TMEM255B: variants seen among roughly 807,000 people sequenced by gnomAD.
TMEM255B encodes family with sequence similarity 70, member B.
TMEM255B carries 35 observed loss-of-function variants against 34.5 expected under a neutral mutation model. The observed-to-expected ratio is 1.01, with a 90% confidence interval of 0.77 to 1.34. The LOEUF is 1.34. Among genes scored for constraint, TMEM255B ranks in the 40% most tolerant of loss-of-function variants. TMEM255B has a pLI of 0.00. For synonymous variants in TMEM255B, 206 were observed against 201.2 expected, an observed-to-expected ratio of 1.02 and a Z score of -0.20; for missense variants, 432 against 433.2, an observed-to-expected ratio of 1.00 and a Z score of 0.02.
intron 8 of TMEM255B, among the ~76,000 whole-genome samples, chr13:113,807,906 TC>T (rs1025207585): frequency 3.9e-5 from 6 of 152,084 alleles, no homozygotes; most frequent in Admixed American, 3.9e-4. Flanking sequence ...CCCATGGTGC[TC>T]CATCCTCATC....
chr13:113,801,575 AG>A (rs780018332), intron 6 of TMEM255B, 77 bp from the exon 7 acceptor site: 249 of 1,475,104 alleles, frequency 1.7e-4, no homozygotes, highest in Non-Finnish European at 2.2e-4. Flanking sequence ...TGCAGGGCTC[AG>A]GTCCAGAGGA....
At chr13:113,771,721 G>A (rs1212667073) in intron 3 of TMEM255B, among the ~76,000 whole-genome samples, 2 of 152,114 alleles carry the variant, frequency 1.3e-5, no homozygotes, top group Non-Finnish European at 2.9e-5. Flanking sequence ...ATAATCCACT[G>A]TATGGATGGG....
chr13:113,807,761 G>A lies in TMEM255B; in HGVS notation c.813+2733G>A, dbSNP rs191069697. On this transcript the variant is annotated intron_variant, in intron 8 of 8. Coordinates refer to ENST00000375353, the MANE Select transcript of TMEM255B (RefSeq NM_182614.4). The stretch of plus-strand genomic sequence containing the variant: ...TGGGATGTGGGGGGTAGTCCTCCCC[G>A]TCACACGCAGGCTTACGGGATGTGG... Among the ~76,000 whole-genome samples, 24 of 134,392 alleles carry A rather than the reference G, an allele frequency of 1.8e-4. 1 individual carries two copies. Among genetic ancestry groups the A allele is most frequent in the South Asian group, 7.7e-4 (3 of 3,894 alleles). The allele number at this position is 134,392 out of a possible 152,430, so 88.2% of individuals were successfully genotyped here. A position where few individuals can be genotyped will look rare whatever the true frequency, so the allele number is the denominator to read the frequency against.
chr13:113,811,409 TGGGTCTCCGGGGGAGGGGAGGGGC>T (rs2051302559), intron 8 of TMEM255B, among the ~76,000 whole-genome samples: 1 of 52,066 alleles, frequency 1.9e-5, no homozygotes, highest in Non-Finnish European at 3.4e-5. Flanking sequence ...AGAGTGGCCC[TGGGTCTCCGGGGGAGGGGAGGGGC>T]GTGAGAGTGG....
At chr13:113,785,418 C>T (rs2138548303) in intron 3 of TMEM255B, among the ~76,000 whole-genome samples, 1 of 152,332 alleles carries the variant, frequency 6.6e-6, no homozygotes, top group East Asian at 1.9e-4. Flanking sequence ...TCCCTCACCC[C>T]CAGCTGCGGT....
intron 3 of TMEM255B, among the ~76,000 whole-genome samples, chr13:113,779,151 G>C (rs767316072): frequency 6.6e-6 from 1 of 152,158 alleles, no homozygotes; most frequent in Non-Finnish European, 1.5e-5. Flanking sequence ...TCTGGTCAAA[G>C]GTGTCATTTG....
Position 113,759,228 on chromosome 13 carries a change from G to A in TMEM255B, c.-42G>A. On this transcript the variant is annotated 5_prime_UTR_variant, in exon 1 of 9. Coordinates refer to ENST00000375353, the MANE Select transcript of TMEM255B (RefSeq NM_182614.4). ...CCGCGAGGGCGGCTCCTGGCGGCGG[G>A]ACTGTGGCTGTGGCCCCGGGAGAGC... The A allele has an allele frequency of 8.2e-7, 1 of 1,226,272 alleles. No individual in the cohort carries two copies. Among genetic ancestry groups the A allele is most frequent in the East Asian group, 3.2e-5 (1 of 31,308 alleles). The allele number at this position is 1,226,272 out of a possible 1,614,324, so 76.0% of individuals were successfully genotyped here. A position where few individuals can be genotyped will look rare whatever the true frequency, so the allele number is the denominator to read the frequency against.
At chr13:113,767,598 C>G (rs1011716611) in intron 2 of TMEM255B, among the ~76,000 whole-genome samples, 1 of 152,250 alleles carries the variant, frequency 6.6e-6, no homozygotes, top group Admixed American at 6.5e-5. Flanking sequence ...AATCTACCTT[C>G]TGGGCAATGA....
intron 8 of TMEM255B, among the ~76,000 whole-genome samples, chr13:113,808,109 T>C (rs7400003): frequency 0.7 from 107,092 of 152,086 alleles, 37,958 homozygotes; most frequent in East Asian, 0.86. Context: ...AGAAGAACAA[T>C]GGAGGAGGGG....
At chr13:113,801,585 G>A in intron 6 of TMEM255B, 68 bp from the exon 7 acceptor site, 1 of 1,510,136 alleles carries the variant, frequency 6.6e-7, no homozygotes, top group Non-Finnish European at 8.9e-7. Flanking sequence ...AGGTCCAGAG[G>A]ACACAAGTTT....
rs1381325979 is a variant in TMEM255B, at chr13:113,803,613, C to A, written c.670-1272C>A. 5.9e-5 allele frequency among the ~76,000 whole-genome samples: 9 copies of A among 151,824 alleles called. 2 individuals carry two copies. The highest frequency in any genetic ancestry group is 5.9e-5 in the Non-Finnish European group (4 of 67,814). On this transcript the variant is annotated intron_variant, in intron 7 of 8. Coordinates refer to ENST00000375353, the MANE Select transcript of TMEM255B (RefSeq NM_182614.4). ...ACCGCCAGCTCAGAGGCCTCCCCAC[C>A]CCTCTACCTGTCAGAACTGCAAATC...
chr13:113,811,643 C>T lies in TMEM255B; in HGVS notation c.814-93C>T, dbSNP rs2051310984. 11 of 1,440,348 alleles carry T rather than the reference C, an allele frequency of 7.6e-6. 1 individual carries two copies. Among genetic ancestry groups the T allele is most frequent in the African/African-American group, 1.4e-5 (1 of 69,670 alleles). 89.2% of individuals were successfully genotyped at this position (1,440,348 alleles called of 1,614,324 possible). ...CTGGGTTGGCGGGGTGGGTGGGGAGCGTGTGAGTGGCCCTGGTATATGTCA... is the reference window on the plus strand; with the variant it reads ...CTGGGTTGGCGGGGTGGGTGGGGAGTGTGTGAGTGGCCCTGGTATATGTCA... On this transcript the variant is annotated intron_variant, in intron 8 of 8. Transcript: ENST00000375353.
chr13:113,761,066 G>A, intron 1 of TMEM255B: 4 of 518,080 alleles, frequency 7.7e-6, no homozygotes, highest in Non-Finnish European at 9.9e-6. Context: ...CCCTGGGCAT[G>A]TGTAAAATCA....
chr13:113,759,445 C>G, intron 1 of TMEM255B, 130 bp downstream of exon 1: 2 of 819,030 alleles, frequency 2.4e-6, no homozygotes, highest in Non-Finnish European at 3.3e-6. Flanking sequence ...CTGGTCCCTC[C>G]GCCTCCTTCG....
At position 113,806,242 on chromosome 13, in the gene TMEM255B, G is replaced by A. The variant is rs997804746; in HGVS notation, c.813+1214G>A. Reference sequence around the variant, plus strand: ...CCTGGGGACCTGCACCAGGGACCCCGAGGAGGGAGCAGGAACCAGCACTCA... The same window carrying A: ...CCTGGGGACCTGCACCAGGGACCCCAAGGAGGGAGCAGGAACCAGCACTCA... On this transcript the variant is annotated intron_variant, in intron 8 of 8. Coordinates refer to ENST00000375353, the MANE Select transcript of TMEM255B (RefSeq NM_182614.4). This position sits in a 1 kb window ranked among gnomAD's most constrained non-coding sequence, Gnocchi z 4.2. Among the ~76,000 whole-genome samples, 5 of 152,012 alleles carry A rather than the reference G, an allele frequency of 3.3e-5. No homozygotes were observed. Among genetic ancestry groups the A allele is most frequent in the African/African-American group, 9.7e-5 (4 of 41,388 alleles).
chr13:113,780,418 A>G (rs2050648647), intron 3 of TMEM255B, among the ~76,000 whole-genome samples: 1 of 152,274 alleles, frequency 6.6e-6, no homozygotes, highest in Non-Finnish European at 1.5e-5. Context: ...ATTCTGGAGA[A>G]AATCAGGTAG....
rs181388310 is a variant in TMEM255B at position 113,759,614 on chromosome 13, T to C, written c.46+299T>C. Among the ~76,000 whole-genome samples, 145 of 152,334 alleles carry C rather than the reference T, an allele frequency of 9.5e-4. 1 individual carries two copies. The highest frequency in any genetic ancestry group is 3.4e-3 in the Middle Eastern group (1 of 294). On this transcript the variant is annotated intron_variant, in intron 1 of 8. Coordinates refer to ENST00000375353, the MANE Select transcript of TMEM255B (RefSeq NM_182614.4). ...TCCTCAGTCTTTGCCTTTCTCTGAC[T>C]CTGTGTCCGTTCCTCTTGGCCTCTC...
intron 3 of TMEM255B, among the ~76,000 whole-genome samples, chr13:113,791,272 C>T (rs9550238): frequency 0.75 from 114,456 of 152,164 alleles, 43,553 homozygotes; most frequent in East Asian, 0.86. Flanking sequence ...CACGCATTTA[C>T]GGTGAGAGAC....
At chr13:113,766,950 G>A (rs1379229026) in intron 2 of TMEM255B, among the ~76,000 whole-genome samples, 3 of 152,206 alleles carry the variant, frequency 2.0e-5, no homozygotes, top group Non-Finnish European at 2.9e-5. Context: ...TCTGTCGTTA[G>A]TAAAAGAATT....
Sources: gnomAD v4.1 joint callset for allele counts (sites outside exome capture counted in the v4.1 genomes callset) on GRCh38, gnomAD v4.1.1 for gene constraint, Gnocchi (gnomAD v3.1) non-coding constraint, MANE v1.5 for transcripts, NCBI Gene and HGNC (gene_info 2026-07-23, HGNC 2026-07-21) for gene names.